Variants in MIPEP observed in about 807,000 individuals in gnomAD.
The protein encoded by MIPEP is mitochondrial intermediate peptidase.
In MIPEP, 79 loss-of-function variants were observed where a neutral mutation model predicts 90.3. That is an observed-to-expected ratio of 0.87 (90% CI 0.73 to 1.05). The LOEUF (loss-of-function observed/expected upper bound fraction) is 1.05. Among genes scored for constraint, MIPEP ranks in the 50% least tolerant of loss-of-function variants. The pLI is 0.00. For missense variants in MIPEP, 940 were observed against 905.6 expected (o/e 1.04, Z -0.49); for synonymous variants, 334 against 315.8 (o/e 1.06, Z -0.61).
At chr13:23,769,133 TC>T (rs1435009751) in intron 16 of MIPEP, among the ~76,000 whole-genome samples, 2 of 152,162 alleles carry the variant, frequency 1.3e-5, no homozygotes, top group African/African-American at 4.8e-5. Context: ...GCCCCGTCAT[TC>T]TAAAGGAACC....
intron 5 of MIPEP, among the ~76,000 whole-genome samples, chr13:23,873,097 T>C (rs1870903923): frequency 6.6e-6 from 1 of 152,256 alleles, no homozygotes; most frequent in Non-Finnish European, 1.5e-5. Context: ...TTCGGATGAA[T>C]ACAAAATTCC....
intron 14 of MIPEP, among the ~76,000 whole-genome samples, chr13:23,822,143 A>G (rs897282860): frequency 1.3e-5 from 2 of 152,210 alleles, no homozygotes; most frequent in Non-Finnish European, 2.9e-5. Flanking sequence ...GTGGTTTTTT[A>G]AAATAGGAAA....
chr13:23,741,095 T>TA (rs1182932168), intron 18 of MIPEP, among the ~76,000 whole-genome samples: 2 of 152,018 alleles, frequency 1.3e-5, no homozygotes, highest in African/African-American at 4.8e-5. Flanking sequence ...AAATCAAAGC[T>TA]AAAAAATCAA....
intron 14 of MIPEP, among the ~76,000 whole-genome samples, chr13:23,813,838 T>C (rs1466268492): frequency 6.6e-6 from 1 of 152,194 alleles, no homozygotes; most frequent in African/African-American, 2.4e-5. Flanking sequence ...TTGACTGTAA[T>C]TCAATTTTGC....
Position 23,889,317 on chromosome 13 carries a change from G to A in MIPEP, c.4C>T (p.Leu2=). 1 of 1,346,032 alleles carries A rather than the reference G, an allele frequency of 7.4e-7. No individual in the cohort carries two copies. Among genetic ancestry groups the A allele is most frequent in the Non-Finnish European group, 9.5e-7 (1 of 1,047,774 alleles). 83.4% of individuals were successfully genotyped at this position (1,346,032 alleles called of 1,614,324 possible). A position where few individuals can be genotyped will look rare whatever the true frequency, so the allele number is the denominator to read the frequency against. ...AAGCCGCCCAGCCTTCCGACGCACA[G>A]CATTCTAGCACCAGAGCAGTCCCTT... The part of the protein sequence containing the change: M[L]CVGRLGGLGA... The change falls in exon 1 of 19, where the codon CTG becomes TTG. Residue 2 remains leucine, a synonymous_variant. Transcript: ENST00000382172.
At chr13:23,860,421 C>A (rs1213776008) in intron 9 of MIPEP, among the ~76,000 whole-genome samples, 2 of 152,148 alleles carry the variant, frequency 1.3e-5, no homozygotes, top group African/African-American at 4.8e-5. Flanking sequence ...GAAAGCAAAA[C>A]TAAGTGAATA....
chr13:23,731,182 A>T (rs766391329), intron 18 of MIPEP, among the ~76,000 whole-genome samples: 31 of 152,246 alleles, frequency 2.0e-4, no homozygotes, highest in Non-Finnish European at 4.1e-4. Flanking sequence ...CTTGGCAGGA[A>T]ATGCTAACTG....
At chr13:23,732,664 A>G (rs565171649) in intron 18 of MIPEP, among the ~76,000 whole-genome samples, 3 of 152,360 alleles carry the variant, frequency 2.0e-5, no homozygotes, top group African/African-American at 7.2e-5. Context: ...CCTTATGTGA[A>G]GCAGTACATA....
chr13:23,752,952 G>C (rs1952456261), intron 18 of MIPEP, among the ~76,000 whole-genome samples: 2 of 152,308 alleles, frequency 1.3e-5, no homozygotes, highest in South Asian at 4.1e-4. Flanking sequence ...TTTGGGCCAG[G>C]CAAGGTGGCT....
At chr13:23,766,733 G>A (rs904914348) in intron 16 of MIPEP, among the ~76,000 whole-genome samples, 6 of 152,200 alleles carry the variant, frequency 3.9e-5, no homozygotes. Flanking sequence ...AATATAAAGT[G>A]TTGTTAAGTG....
chr13:23,828,757 T>A (rs1050439833), intron 14 of MIPEP, among the ~76,000 whole-genome samples: 1 of 152,216 alleles, frequency 6.6e-6, no homozygotes, highest in East Asian at 1.9e-4. Context: ...AGAAATTTAA[T>A]GTAATCCCAA....
intron 16 of MIPEP, among the ~76,000 whole-genome samples, chr13:23,792,899 C>A (rs1272930597): frequency 6.6e-6 from 1 of 152,124 alleles, no homozygotes; most frequent in Non-Finnish European, 1.5e-5. Context: ...AAATTAAAAC[C>A]ACAGTGAGAT....
At chr13:23,855,327 A>G (rs1870004636) in intron 10 of MIPEP, among the ~76,000 whole-genome samples, 1 of 152,202 alleles carries the variant, frequency 6.6e-6, no homozygotes, top group African/African-American at 2.4e-5. Flanking sequence ...TGGCACTTTT[A>G]AAACATGTTA....
chr13:23,862,202 T>G, intron 9 of MIPEP, 100 bp downstream of exon 9: 1 of 721,464 alleles, frequency 1.4e-6, no homozygotes, highest in Middle Eastern at 2.5e-4. Flanking sequence ...CAAGACTAAA[T>G]GGACCTGTAG....
intron 18 of MIPEP, among the ~76,000 whole-genome samples, chr13:23,731,279 T>G (rs1842097299): frequency 6.6e-6 from 1 of 152,218 alleles, no homozygotes; most frequent in African/African-American, 2.4e-5. Context: ...ATTAAAAGAT[T>G]GCAGGAATCC....
intron 10 of MIPEP, among the ~76,000 whole-genome samples, chr13:23,846,454 T>C (rs992211050): frequency 3.9e-5 from 6 of 152,222 alleles, no homozygotes; most frequent in African/African-American, 1.4e-4. Context: ...GTATCCCTTA[T>C]CCAAAATGCT....
At chr13:23,781,518 C>A (rs1308156598) in intron 16 of MIPEP, among the ~76,000 whole-genome samples, 1 of 152,128 alleles carries the variant, frequency 6.6e-6, no homozygotes, top group Non-Finnish European at 1.5e-5. Flanking sequence ...TTGTAAAGAC[C>A]ATCGATGCTA....
chr13:23,731,731 G>A (rs111577356), intron 18 of MIPEP, among the ~76,000 whole-genome samples: 146 of 152,142 alleles, frequency 9.6e-4, no homozygotes, highest in African/African-American at 3.4e-3. Context: ...CATATCTCAC[G>A]TAAGACTGGT....
At position 23,806,006 on chromosome 13, in the gene MIPEP, C is replaced by G; in HGVS notation, c.1792G>C (p.Asp598His). The change falls in exon 16 of 19, where the codon GAC (aspartate) becomes CAC (histidine). Residue 598 changes from aspartate to histidine, a missense_variant. By Grantham distance (81) the Asp-to-His change is moderately conservative. Transcript: ENST00000382172. ...GKHPLRNSTT[D>H]ILKETQEKFY... ...TTCTCTTGTGTTTCCTTGAGAATGT[C>G]TGTGGTTGAATTCCTCAGGGGATGC... 6.2e-7 allele frequency: 1 copy of G among 1,613,964 alleles called. No individual in the cohort carries two copies. Among genetic ancestry groups the G allele is most frequent in the African/African-American group, 1.3e-5 (1 of 75,040 alleles).
Sources: gnomAD v4.1 joint callset for allele counts (sites outside exome capture counted in the v4.1 genomes callset) on GRCh38, gnomAD v4.1.1 for gene constraint, MANE v1.5 for transcripts, NCBI Gene and HGNC (gene_info 2026-07-23, HGNC 2026-07-21) for gene names.